CDH13: variants seen among roughly 807,000 people sequenced by gnomAD.
The protein encoded by CDH13 is cadherin 13.
In CDH13, 24 loss-of-function variants were observed where a neutral mutation model predicts 63.8. The observed-to-expected ratio is 0.38, with a 90% CI of 0.27 to 0.53. The LOEUF (loss-of-function observed/expected upper bound fraction) is 0.53. CDH13 is among the 20% of genes least tolerant of loss of function. CDH13 has a pLI of 0.85. For missense variants in CDH13, 1,049 were observed against 903.1 expected (o/e 1.16, Z -2.07); for synonymous variants, 503 against 355.3 (o/e 1.42, Z -4.67).
Position 83,670,984 on chromosome 16 carries a change from T to A in CDH13, c.1284+12T>A, listed in dbSNP as rs763897516. ...TTTCTGTTGTCAAAGTAAGGGTGCTTCCAATTGCCTCTTTCTCCTCATGCG... is the reference window on the plus strand; with the variant it reads ...TTTCTGTTGTCAAAGTAAGGGTGCTACCAATTGCCTCTTTCTCCTCATGCG... On this transcript the variant is annotated intron_variant, in intron 9 of 13. Transcript: ENST00000567109. 2.5e-6 allele frequency: 4 copies of A among 1,569,494 alleles called. No individual in the cohort carries two copies. In the South Asian group the frequency reaches 4.8e-5, roughly 19 times the overall value.
At chr16:83,325,572 C>T (rs143801508) in intron 5 of CDH13, among the ~76,000 whole-genome samples, 1,804 of 152,290 alleles carry the variant, frequency 0.012, 19 homozygotes, top group Admixed American at 0.02. Context: ...CATGAATGAG[C>T]ATAGCTTTAT....
At chr16:83,058,982 C>T (rs528254580) in intron 3 of CDH13, among the ~76,000 whole-genome samples, 5 of 152,196 alleles carry the variant, frequency 3.3e-5, no homozygotes, top group South Asian at 2.1e-4. Flanking sequence ...ATGGATGTCC[C>T]GGTTTTACTG....
At chr16:83,545,374 A>T (rs1037602390) in intron 7 of CDH13, among the ~76,000 whole-genome samples, 5 of 152,234 alleles carry the variant, frequency 3.3e-5, no homozygotes, top group Admixed American at 3.3e-4. Context: ...CCAGGGGAAG[A>T]TTCATTAATT....
At chr16:83,176,341 C>G (rs1054007169) in intron 4 of CDH13, among the ~76,000 whole-genome samples, 8 of 151,480 alleles carry the variant, frequency 5.3e-5, no homozygotes, top group Admixed American at 3.9e-4. Flanking sequence ...GAAACCCTGT[C>G]TCTTCTAAAA....
At chr16:83,306,512 C>G (rs2089882946) in intron 5 of CDH13, among the ~76,000 whole-genome samples, 2 of 152,176 alleles carry the variant, frequency 1.3e-5, no homozygotes, top group South Asian at 2.1e-4. Flanking sequence ...GCCCACTTCC[C>G]CTTTGACTTT....
chr16:83,324,567 G>A (rs2090317279), intron 5 of CDH13, among the ~76,000 whole-genome samples: 3 of 152,194 alleles, frequency 2.0e-5, no homozygotes, highest in Admixed American at 2.0e-4. Flanking sequence ...CCATGTTGTA[G>A]TTGATGTCAG....
At chr16:82,861,114 C>T (rs770958659) in intron 2 of CDH13, among the ~76,000 whole-genome samples, 2 of 152,104 alleles carry the variant, frequency 1.3e-5, no homozygotes, top group Non-Finnish European at 1.5e-5. Flanking sequence ...ATGTTAAATG[C>T]ATAGATTCCA....
At chr16:83,434,027 T>C (rs574935618) in intron 6 of CDH13, among the ~76,000 whole-genome samples, 1 of 152,312 alleles carries the variant, frequency 6.6e-6, no homozygotes, top group South Asian at 2.1e-4. Context: ...ATGGACTTTA[T>C]TTTATAAGGT....
intron 5 of CDH13, among the ~76,000 whole-genome samples, chr16:83,221,669 G>A (rs556393327): frequency 2.2e-4 from 34 of 151,348 alleles, no homozygotes; most frequent in Non-Finnish European, 4.1e-4. Flanking sequence ...GTGGGGGGGC[G>A]GTTGGGATGG....
chr16:82,922,638 G>C (rs1363949818), intron 2 of CDH13, among the ~76,000 whole-genome samples: 1 of 152,136 alleles, frequency 6.6e-6, no homozygotes, highest in East Asian at 1.9e-4. Flanking sequence ...GCTCTGGAGA[G>C]AAAAGCTCAC....
chr16:83,704,259 G>T (rs970152678), intron 10 of CDH13, among the ~76,000 whole-genome samples: 1 of 152,120 alleles, frequency 6.6e-6, no homozygotes, highest in East Asian at 1.9e-4. Context: ...ATTCAGTCAG[G>T]TTAGGTTGTT....
rs186503843 is a variant in CDH13 at position 83,035,335 on chromosome 16, T to G, written c.366+3117T>G. On this transcript the variant is annotated intron_variant, in intron 3 of 13. Transcript: ENST00000567109. Reference sequence around the variant, plus strand: ...GTACCAGGCGGGGAGCTAACAGTGATGGATGATCTCTGCATTTGGAGAGGG... The same window carrying G: ...GTACCAGGCGGGGAGCTAACAGTGAGGGATGATCTCTGCATTTGGAGAGGG... Among the ~76,000 whole-genome samples, 124 of 152,198 alleles carry G rather than the reference T, an allele frequency of 8.1e-4. 2 individuals are homozygous for G. Among genetic ancestry groups the G allele is most frequent in the African/African-American group, 2.7e-3 (113 of 41,538 alleles).
intron 7 of CDH13, among the ~76,000 whole-genome samples, chr16:83,579,731 G>C (rs942843241): frequency 3.3e-5 from 5 of 152,104 alleles, no homozygotes; most frequent in Non-Finnish European, 5.9e-5. Flanking sequence ...TGTGAATGGA[G>C]TCACAGCCCT....
chr16:83,694,307 C>T (rs1302555488), intron 10 of CDH13, among the ~76,000 whole-genome samples: 1 of 152,226 alleles, frequency 6.6e-6, no homozygotes, highest in African/African-American at 2.4e-5. Context: ...GGAGTTGTCT[C>T]ATGTCCCATA....
rs200853526 is a variant in CDH13 at position 82,998,862 on chromosome 16, C to CTTTTTTTTT, written c.158-33139_158-33131dup. On this transcript the variant is annotated intron_variant, in intron 2 of 13. Transcript: ENST00000567109. ...GCTGCCATGTAATTTCCCCTTGATC[C>CTTTTTTTTT]TTTTTTTTTTTTTTTTTGCAGATAC... 3.1e-4 allele frequency among the ~76,000 whole-genome samples: 40 copies of CTTTTTTTTT among 128,556 alleles called. 1 individual carries two copies. Among genetic ancestry groups the CTTTTTTTTT allele is most frequent in the African/African-American group, 1.1e-3 (38 of 33,330 alleles). The allele number at this position is 128,556 out of a possible 152,430, so 84.3% of individuals were successfully genotyped here.
intron 11 of CDH13, chr16:83,772,937 T>C (rs1305840940): frequency 6.6e-6 from 1 of 152,190 alleles, no homozygotes; most frequent in Non-Finnish European, 1.5e-5. Flanking sequence ...GGGAGAGAGA[T>C]TGAACTAACT....
intron 6 of CDH13, among the ~76,000 whole-genome samples, chr16:83,432,299 G>T (rs2072143547): frequency 6.6e-6 from 1 of 152,188 alleles, no homozygotes; most frequent in Non-Finnish European, 1.5e-5. Context: ...AGCTGCAGTA[G>T]CTCCTTCTAG....
In CDH13 at chr16:82,977,345, A is replaced by T. The variant is rs899242715; in HGVS notation, c.158-54665A>T. Among the ~76,000 whole-genome samples the T allele has an allele frequency of 3.9e-5, 6 of 152,172 alleles. No homozygotes were observed. The East Asian group carries it at 1.2e-3, about 29-fold the overall frequency. On this transcript the variant is annotated intron_variant, in intron 2 of 13. Coordinates refer to ENST00000567109, the MANE Select transcript of CDH13 (RefSeq NM_001257.5). The stretch of plus-strand genomic sequence containing the variant: ...GCTTAGTAGTCATTTTACCATCAGC[A>T]TTAAGTCACCCACATGCACACTGAT...
chr16:82,891,258 T>C (rs2041071488), intron 2 of CDH13, among the ~76,000 whole-genome samples: 1 of 152,116 alleles, frequency 6.6e-6, no homozygotes, highest in South Asian at 2.1e-4. Context: ...TGGGGACTCT[T>C]AATTTCCTGG....
Sources: gnomAD v4.1 joint callset for allele counts (sites outside exome capture counted in the v4.1 genomes callset) on GRCh38, gnomAD v4.1.1 for gene constraint, MANE v1.5 for transcripts, NCBI Gene and HGNC (gene_info 2026-07-23, HGNC 2026-07-21) for gene names.